Variants in CSE1L observed in about 807,000 individuals in gnomAD.
The protein encoded by CSE1L is chromosome segregation 1 like.
CSE1L carries 24 observed loss-of-function variants against 120.4 expected under a neutral mutation model. The observed-to-expected ratio is 0.20, with a 90% CI of 0.14 to 0.28. The LOEUF (loss-of-function observed/expected upper bound fraction) is 0.28, where lower values mean the gene tolerates loss of function less well. Among genes scored for constraint, CSE1L ranks in the 10% least tolerant of loss-of-function variants. CSE1L has a pLI of 1.00. For missense variants in CSE1L, 830 were observed against 1,145.2 expected (o/e 0.72, Z 3.97); for synonymous variants, 402 against 398.3 (o/e 1.01, Z -0.11).
chr20:49,081,400 T>C (rs2092012117), intron 14 of CSE1L, among the ~76,000 whole-genome samples: 1 of 152,158 alleles, frequency 6.6e-6, no homozygotes, highest in Non-Finnish European at 1.5e-5. Context: ...CCTCCCACTT[T>C]CAGCCTCCCG....
rs544477711 is a variant in CSE1L at position 49,067,067 on chromosome 20, T to G, written c.477-123T>G. The G allele has an allele frequency of 5.6e-4, 242 of 432,944 alleles. 3 individuals are homozygous for G. Among genetic ancestry groups the G allele is most frequent in the African/African-American group, 1.1e-3 (50 of 46,812 alleles). The allele number at this position is 432,944 out of a possible 1,614,324, so 26.8% of individuals were successfully genotyped here. ...AAAAAAAAAAAAAAAGAATTCCCTT[T>G]GAATTTCGGAATTTCGGAAACCCAT... On this transcript the variant is annotated intron_variant, in intron 5 of 24. Transcript: ENST00000262982.
chr20:49,086,796 C>CCTCTGTA (rs1345352317), intron 16 of CSE1L, among the ~76,000 whole-genome samples: 1 of 152,202 alleles, frequency 6.6e-6, no homozygotes, highest in Non-Finnish European at 1.5e-5. Flanking sequence ...TAATTCTGCG[C>CCTCTGTA]CAGCCTAGTG....
intron 2 of CSE1L, among the ~76,000 whole-genome samples, chr20:49,059,280 A>G (rs1228793995): frequency 6.6e-6 from 1 of 152,166 alleles, no homozygotes; most frequent in Non-Finnish European, 1.5e-5. Context: ...TAACTAATAT[A>G]TTTTAAGACC....
Position 49,067,230 on chromosome 20 carries a change from A to G in CSE1L, c.517A>G (p.Ile173Val). 6.2e-7 allele frequency: 1 copy of G among 1,612,442 alleles called. No individual in the cohort carries two copies. Among genetic ancestry groups the G allele is most frequent in the Non-Finnish European group, 8.5e-7 (1 of 1,179,020 alleles). Residue 173 changes from isoleucine to valine, a missense_variant, in exon 6 of 25, where the codon ATT (isoleucine) becomes GTT (valine). Physicochemically the swap from Ile to Val is conservative, Grantham distance 29. Coordinates refer to ENST00000262982, the MANE Select transcript of CSE1L (RefSeq NM_001316.4). Reference sequence around the variant, plus strand: ...TAAGTCAAACGAGTTATGGACTGAAATTAAGCTTGTTCTGGATGCCTTTGC... The same window carrying G: ...TAAGTCAAACGAGTTATGGACTGAAGTTAAGCTTGTTCTGGATGCCTTTGC... ...EFKSNELWTE[I>V]KLVLDAFALP...
chr20:49,072,948 A>G (rs537270506), intron 10 of CSE1L, among the ~76,000 whole-genome samples: 4 of 152,218 alleles, frequency 2.6e-5, no homozygotes, highest in African/African-American at 7.2e-5. Flanking sequence ...TGGAATTTCT[A>G]TTTAGAGAAA....
intron 8 of CSE1L, among the ~76,000 whole-genome samples, chr20:49,071,967 CAA>C (rs569520524): frequency 4.6e-5 from 5 of 109,342 alleles, no homozygotes; most frequent in Admixed American, 9.6e-5. Context: ...GACTGCGTCT[CAA>C]AAAAAAAAAA....
intron 16 of CSE1L, 66 bp downstream of exon 16, chr20:49,085,452 G>GAGTT: frequency 9.3e-7 from 1 of 1,080,728 alleles, no homozygotes; most frequent in Admixed American, 1.9e-5. Flanking sequence ...TGAGCACTCT[G>GAGTT]AGTTATACTT....
intron 2 of CSE1L, among the ~76,000 whole-genome samples, chr20:49,061,891 G>A (rs1375040218): frequency 6.6e-6 from 1 of 152,040 alleles, no homozygotes; most frequent in Non-Finnish European, 1.5e-5. Flanking sequence ...GTATTTCTGG[G>A]AAGTTAGGAA....
At chr20:49,063,054 T>C (rs1201646712) in intron 2 of CSE1L, 148 bp from the exon 3 acceptor site, 2 of 310,186 alleles carry the variant, frequency 6.4e-6, no homozygotes, top group Non-Finnish European at 5.6e-6. Flanking sequence ...TATAATCCAC[T>C]TAATAGATAA....
chr20:49,090,854 A>G lies in CSE1L; in HGVS notation c.2279+15A>G. On this transcript the variant is annotated intron_variant, in intron 20 of 24. Coordinates refer to ENST00000262982, the MANE Select transcript of CSE1L (RefSeq NM_001316.4). ...CACATGCCTCCGTGAGTATGACTAG[A>G]ACTTTGTGCATTTATTTAGAAATTT... is the stretch of plus-strand genomic sequence containing the variant. 6.2e-7 allele frequency: 1 copy of G among 1,607,572 alleles called. No homozygotes were observed. Among genetic ancestry groups the G allele is most frequent in the Non-Finnish European group, 8.5e-7 (1 of 1,176,204 alleles).
intron 1 of CSE1L, among the ~76,000 whole-genome samples, chr20:49,049,631 C>G (rs948797488): frequency 6.6e-6 from 1 of 152,058 alleles, no homozygotes; most frequent in Non-Finnish European, 1.5e-5. Flanking sequence ...ATTATGAATA[C>G]CTGTAAAATG....
At chr20:49,049,860 A>G (rs2123637645) in intron 1 of CSE1L, among the ~76,000 whole-genome samples, 1 of 152,298 alleles carries the variant, frequency 6.6e-6, no homozygotes, top group Non-Finnish European at 1.5e-5. Context: ...AACCATGTCT[A>G]CAGAAACAAC....
chr20:49,074,176 AGTGTGTGTGTGTGTGTGTGTGTGT>A (rs71184254), intron 10 of CSE1L, among the ~76,000 whole-genome samples: 8 of 115,424 alleles, frequency 6.9e-5, no homozygotes, highest in African/African-American at 2.3e-4. Context: ...ATACAACTGC[AGTGTGTGTGTGTGTGTGTGTGTGT>A]GTGTGTGTGT....
At chr20:49,072,475 ATAAT>A in intron 9 of CSE1L, 22 bp downstream of exon 9, 1 of 1,610,778 alleles carries the variant, frequency 6.2e-7, no homozygotes, top group South Asian at 1.1e-5. Flanking sequence ...GTGGAGACAA[ATAAT>A]TAAAAGACAT....
chr20:49,082,261 C>G (rs562872413), intron 14 of CSE1L, among the ~76,000 whole-genome samples: 1 of 151,936 alleles, frequency 6.6e-6, no homozygotes, highest in Non-Finnish European at 1.5e-5. Context: ...AAGCCATTCT[C>G]CTGCCTCAGC....
intron 16 of CSE1L, among the ~76,000 whole-genome samples, chr20:49,086,029 ACT>A (rs77441449): frequency 0.097 from 14,768 of 152,066 alleles, 930 homozygotes; most frequent in Non-Finnish European, 0.13. Flanking sequence ...CCTGTGGTAG[ACT>A]CTGCACAAAT....
At chr20:49,083,777 G>A (rs2092032074) in intron 14 of CSE1L, among the ~76,000 whole-genome samples, 1 of 152,120 alleles carries the variant, frequency 6.6e-6, no homozygotes, top group Admixed American at 6.6e-5. Context: ...TTATTTTATG[G>A]TATGTTGATT....
At chr20:49,077,861 G>A (rs1014556151) in intron 13 of CSE1L, among the ~76,000 whole-genome samples, 4 of 152,084 alleles carry the variant, frequency 2.6e-5, no homozygotes, top group South Asian at 4.1e-4. Flanking sequence ...AAAACTAGCC[G>A]GGCGTGGTGG....
intron 1 of CSE1L, among the ~76,000 whole-genome samples, chr20:49,052,827 TC>T (rs2091778155): frequency 6.6e-6 from 1 of 152,138 alleles, no homozygotes; most frequent in Non-Finnish European, 1.5e-5. Flanking sequence ...GCTGAAGCAA[TC>T]CACCTGCCTT....
Sources: gnomAD v4.1 joint callset for allele counts (sites outside exome capture counted in the v4.1 genomes callset) on GRCh38, gnomAD v4.1.1 for gene constraint, MANE v1.5 for transcripts, NCBI Gene and HGNC (gene_info 2026-07-23, HGNC 2026-07-21) for gene names.